Variants in ADAM12 observed in about 807,000 individuals in gnomAD.
ADAM12 encodes the protein ADAM metallopeptidase domain 12, also known as disintegrin and metalloproteinase domain-containing protein 12.
In ADAM12, 70 loss-of-function variants were observed where a neutral mutation model predicts 106.4. The observed-to-expected ratio is 0.66, with a 90% CI of 0.54 to 0.80. The LOEUF is 0.80. Ranked by LOEUF, ADAM12 falls within the 30% of genes least tolerant of loss-of-function variation. The pLI, the probability that ADAM12 is intolerant of heterozygous loss-of-function variation, is 0.00. For missense variants in ADAM12, 1,010 were observed against 1,171.9 expected (o/e 0.86, Z 2.02); for synonymous variants, 420 against 433.5 (o/e 0.97, Z 0.39).
chr10:126,138,374 T>G (rs1231607413), intron 4 of ADAM12, among the ~76,000 whole-genome samples: 3 of 152,074 alleles, frequency 2.0e-5, no homozygotes, highest in Non-Finnish European at 4.4e-5. Flanking sequence ...AATTTTTATT[T>G]TATTTATTTA....
chr10:126,292,314 C>G (rs1421376286), intron 2 of ADAM12, among the ~76,000 whole-genome samples: 6 of 152,184 alleles, frequency 3.9e-5, no homozygotes, highest in Non-Finnish European at 7.3e-5. Context: ...TTCTGACTCT[C>G]TTTTTCCTCT....
intron 3 of ADAM12, among the ~76,000 whole-genome samples, chr10:126,209,940 T>C (rs903217318): frequency 1.3e-5 from 2 of 152,238 alleles, no homozygotes; most frequent in African/African-American, 4.8e-5. Flanking sequence ...AGGCGACTGC[T>C]GATCACTCCT....
In ADAM12 at chr10:126,121,069, ATATAT is replaced by A. The variant is rs1345458376; in HGVS notation, c.417-2850_417-2846del. ...AATATATTATATGCAATATAATTAA[ATATAT>A]TATATATTAGATGTATAATATACTA... On this transcript the variant is annotated intron_variant, in intron 5 of 22. Transcript: ENST00000448723. Among the ~76,000 whole-genome samples, 333 of 106,054 alleles carry A rather than the reference ATATAT, an allele frequency of 3.1e-3. 21 individuals carry two copies. The East Asian group carries it at 0.071, about 23-fold the overall frequency. 69.6% of individuals were successfully genotyped at this position (106,054 alleles called of 152,430 possible).
At chr10:126,075,557 TAA>T (rs1955083899) in intron 11 of ADAM12, among the ~76,000 whole-genome samples, 1 of 151,676 alleles carries the variant, frequency 6.6e-6, no homozygotes, top group African/African-American at 2.4e-5. Flanking sequence ...GAGAAAAAAA[TAA>T]AAGAGCAAGG....
chr10:126,335,921 T>A (rs1333003742), intron 1 of ADAM12, among the ~76,000 whole-genome samples: 1 of 151,910 alleles, frequency 6.6e-6, no homozygotes, highest in Non-Finnish European at 1.5e-5. Flanking sequence ...CCCAAAGAGG[T>A]ACGCTCTAAA....
intron 1 of ADAM12, among the ~76,000 whole-genome samples, chr10:126,337,242 T>A (rs1854734535): frequency 6.6e-6 from 1 of 152,202 alleles, no homozygotes; most frequent in Non-Finnish European, 1.5e-5. Flanking sequence ...AGCCAAAGGT[T>A]GGGAAGCCAC....
intron 2 of ADAM12, among the ~76,000 whole-genome samples, chr10:126,318,057 C>T (rs1433058571): frequency 6.6e-6 from 1 of 152,124 alleles, no homozygotes; most frequent in East Asian, 1.9e-4. Context: ...TAGCAGTGAG[C>T]CTATCTAGTA....
At chr10:126,118,358 G>C in intron 5 of ADAM12, 134 bp from the exon 6 acceptor site, 1 of 675,634 alleles carries the variant, frequency 1.5e-6, no homozygotes, top group Non-Finnish European at 2.4e-6. Context: ...ATTTTGATTG[G>C]AAAGGACGTT....
intron 1 of ADAM12, among the ~76,000 whole-genome samples, chr10:126,372,200 G>A (rs766498365): frequency 1.3e-5 from 2 of 152,152 alleles, no homozygotes; most frequent in South Asian, 2.1e-4. Flanking sequence ...AGAAGGGGAC[G>A]GTGGCTCATG....
intron 3 of ADAM12, among the ~76,000 whole-genome samples, chr10:126,197,991 T>G (rs1957628770): frequency 6.6e-6 from 1 of 152,210 alleles, no homozygotes; most frequent in Non-Finnish European, 1.5e-5. Context: ...CAATGTGAAA[T>G]TACAGTTCTT....
intron 1 of ADAM12, among the ~76,000 whole-genome samples, chr10:126,358,234 C>A (rs542265786): frequency 4.6e-5 from 7 of 151,200 alleles, no homozygotes; most frequent in Non-Finnish European, 8.8e-5. Flanking sequence ...AACATACATG[C>A]AAAAATCCTT....
At chr10:126,166,969 A>C (rs1009040200) in intron 3 of ADAM12, among the ~76,000 whole-genome samples, 2 of 152,232 alleles carry the variant, frequency 1.3e-5, no homozygotes, top group African/African-American at 2.4e-5. Context: ...TCGCAAGGGT[A>C]GATTTAGTAG....
At position 126,188,086 on chromosome 10, in the gene ADAM12, T is replaced by G. The variant is rs532966083; in HGVS notation, c.261-32781A>C. Among the ~76,000 whole-genome samples, 12 of 152,326 alleles carry G rather than the reference T, an allele frequency of 7.9e-5. No individual in the cohort carries two copies. In the South Asian group the frequency reaches 1.0e-3, roughly 13 times the overall value. On this transcript the variant is annotated intron_variant, in intron 3 of 22. Transcript: ENST00000448723. Reference sequence around the variant, plus strand: ...GGCAATGACAGCCCAGTCCACCCTATGTGACAAAGAACTTCTGGACACTGC... The same window carrying G: ...GGCAATGACAGCCCAGTCCACCCTAGGTGACAAAGAACTTCTGGACACTGC...
chr10:126,225,519 G>A (rs896254103), intron 3 of ADAM12, among the ~76,000 whole-genome samples: 1 of 152,138 alleles, frequency 6.6e-6, no homozygotes, highest in Non-Finnish European at 1.5e-5. Context: ...TTGGAAAATC[G>A]GTTTTTAGCC....
rs900076205 is a variant in ADAM12, at chr10:126,041,336, G to A, written c.2104+1704C>T. ...TTTATATATGTATGAACAGGGTGGA[G>A]GCAGCGGTATTTCAAATGCACTCTA... On this transcript the variant is annotated intron_variant, in intron 18 of 22. Transcript: ENST00000448723. 12 of 985,686 alleles carry A rather than the reference G, an allele frequency of 1.2e-5. No individual in the cohort carries two copies. In the African/African-American group the frequency reaches 2.1e-4, roughly 17 times the overall value. 61.1% of individuals were successfully genotyped at this position (985,686 alleles called of 1,614,324 possible).
intron 2 of ADAM12, among the ~76,000 whole-genome samples, chr10:126,299,562 C>T (rs1314583000): frequency 6.6e-6 from 1 of 152,174 alleles, no homozygotes; most frequent in Admixed American, 6.5e-5. Context: ...CTTGACTCCC[C>T]CACCCCTAAA....
At chr10:126,343,830 T>C (rs1437986379) in intron 1 of ADAM12, among the ~76,000 whole-genome samples, 2 of 152,224 alleles carry the variant, frequency 1.3e-5, no homozygotes, top group African/African-American at 2.4e-5. Flanking sequence ...ATGTCTTCTT[T>C]TGAGAAGTGT....
intron 4 of ADAM12, chr10:126,145,511 G>C (rs12773842): frequency 0.32 from 49,526 of 152,460 alleles, 8,438 homozygotes; most frequent in Non-Finnish European, 0.38. Flanking sequence ...CCAAGAGCTA[G>C]CCAGGCCTGA....
chr10:126,196,146 G>A lies in ADAM12; in HGVS notation c.261-40841C>T, dbSNP rs908542174. On this transcript the variant is annotated intron_variant, in intron 3 of 22. Coordinates refer to ENST00000448723, the MANE Select transcript of ADAM12 (RefSeq NM_001288973.2). Reference sequence around the variant, plus strand: ...TAATAACTGGCCCTTCACAGAAAACGTTTGTAGACCCTCATTCTAGGGGAT... The same window carrying A: ...TAATAACTGGCCCTTCACAGAAAACATTTGTAGACCCTCATTCTAGGGGAT... 2.6e-5 allele frequency among the ~76,000 whole-genome samples: 4 copies of A among 152,324 alleles called. 1 individual carries two copies. The highest frequency in any genetic ancestry group is 3.9e-4 in the East Asian group (2 of 5,192).
Sources: allele counts gnomAD v4.1 joint callset (sites outside exome capture counted in the v4.1 genomes callset), GRCh38; gene constraint gnomAD v4.1.1; transcripts MANE v1.5; gene names NCBI Gene and HGNC (gene_info 2026-07-23, HGNC 2026-07-21).